MAPK8: variants seen among roughly 807,000 people sequenced by gnomAD.
MAPK8 encodes JUN N-terminal kinase.
A neutral mutation model predicts 52.9 loss-of-function variants in MAPK8; 13 were observed. The ratio of observed to expected loss-of-function variants is 0.25; its 90% CI spans 0.16 to 0.39. MAPK8 has a LOEUF of 0.39. MAPK8 is among the 10% of genes least tolerant of loss of function. The probability of loss-of-function intolerance (pLI) is 1.00; values close to 1 mark genes in which losing one functional copy is unlikely to be tolerated. For synonymous variants in MAPK8, 191 were observed against 169.8 expected, an observed-to-expected ratio of 1.12 and a Z score of -0.97; for missense variants, 300 against 519.2, an observed-to-expected ratio of 0.58 and a Z score of 4.10.
chr10:48,333,342 C>T (rs1371470673), intron 1 of MAPK8, among the ~76,000 whole-genome samples: 1 of 152,182 alleles, frequency 6.6e-6, no homozygotes, highest in Admixed American at 6.5e-5. Flanking sequence ...TAGGGCCCCA[C>T]CAAAGGTTAG....
At chr10:48,317,398 C>CAA (rs35788101) in intron 1 of MAPK8, among the ~76,000 whole-genome samples, 2 of 151,684 alleles carry the variant, frequency 1.3e-5, no homozygotes, top group African/African-American at 2.4e-5. Flanking sequence ...CTCCTGGCCT[C>CAA]GTGATCTTAC....
intron 1 of MAPK8, among the ~76,000 whole-genome samples, chr10:48,311,785 C>A (rs1375718491): frequency 1.3e-5 from 2 of 152,118 alleles, no homozygotes; most frequent in Non-Finnish European, 2.9e-5. Flanking sequence ...TTTTCTAAGT[C>A]TTCTGTTTAG....
intron 1 of MAPK8, among the ~76,000 whole-genome samples, chr10:48,311,442 T>C (rs1039833437): frequency 4.6e-5 from 7 of 152,218 alleles, no homozygotes; most frequent in African/African-American, 1.4e-4. Context: ...GAAGCAAATA[T>C]TGAAGGGAAC....
chr10:48,426,249 A>G, intron 8 of MAPK8, 131 bp from the exon 9 acceptor site: 2 of 863,248 alleles, frequency 2.3e-6, no homozygotes, highest in South Asian at 2.4e-5. Context: ...TATTTTAATC[A>G]TATGTATAAG....
In MAPK8 at chr10:48,324,503, GTTTTTT is replaced by G. The variant is rs370766776; in HGVS notation, c.-50+17694_-50+17699del. ...TATACAACAGTTGTCCTGTTTTCTA[GTTTTTT>G]TTTTTTTTTTTACACTCATGATATT... On this transcript the variant is annotated intron_variant, in intron 1 of 11. Coordinates refer to ENST00000374189, the MANE Select transcript of MAPK8 (RefSeq NM_001323329.2). Among the ~76,000 whole-genome samples the G allele has an allele frequency of 3.4e-5, 4 of 118,020 alleles. No homozygotes were observed. The Admixed American group carries it at 3.7e-4, about 11-fold the overall frequency. 77.4% of individuals were successfully genotyped at this position (118,020 alleles called of 152,430 possible).
At chr10:48,406,025 A>G (rs1241535946) in intron 3 of MAPK8, among the ~76,000 whole-genome samples, 3 of 152,206 alleles carry the variant, frequency 2.0e-5, no homozygotes, top group South Asian at 4.1e-4. Context: ...TCAAATGATG[A>G]TGGTGGCCCA....
intron 1 of MAPK8, among the ~76,000 whole-genome samples, chr10:48,325,047 G>A (rs1843377844): frequency 1.3e-5 from 2 of 151,690 alleles, no homozygotes; most frequent in Admixed American, 6.6e-5. Context: ...ACAATCTCTG[G>A]TCACTGCAAC....
chr10:48,328,676 A>G (rs921418686), intron 1 of MAPK8, among the ~76,000 whole-genome samples: 1 of 152,262 alleles, frequency 6.6e-6, no homozygotes, highest in East Asian at 1.9e-4. Flanking sequence ...GTAGTCAACA[A>G]GAGCAACTGA....
intron 5 of MAPK8, among the ~76,000 whole-genome samples, chr10:48,419,952 A>G (rs1426509957): frequency 6.6e-6 from 1 of 152,158 alleles, no homozygotes; most frequent in Non-Finnish European, 1.5e-5. Flanking sequence ...TTCTCTAATA[A>G]CTGTATGTAT....
At chr10:48,433,623 T>C (rs1462987334) in intron 11 of MAPK8, among the ~76,000 whole-genome samples, 2 of 152,252 alleles carry the variant, frequency 1.3e-5, no homozygotes, top group Non-Finnish European at 2.9e-5. Flanking sequence ...TTGTCTCTTG[T>C]GGTTCCATTC....
At chr10:48,426,171 A>T (rs2043669532) in intron 8 of MAPK8, 101 bp downstream of exon 8, 1 of 1,147,706 alleles carries the variant, frequency 8.7e-7, no homozygotes, top group Admixed American at 2.7e-5. Context: ...TGGGACATGA[A>T]CCCAAGGTTT....
intron 1 of MAPK8, among the ~76,000 whole-genome samples, chr10:48,348,019 T>C (rs1316977720): frequency 1.3e-5 from 2 of 152,216 alleles, no homozygotes; most frequent in Middle Eastern, 3.2e-3. Flanking sequence ...ACTAACAGTG[T>C]AAAAGTGTTC....
chr10:48,427,191 T>C, intron 10 of MAPK8, 48 bp downstream of exon 10: 1 of 1,379,710 alleles, frequency 7.2e-7, no homozygotes, highest in South Asian at 1.2e-5. Flanking sequence ...GAGCTTCTGG[T>C]TTTTATATGG....
chr10:48,374,846 C>A (rs2040553069), intron 1 of MAPK8, among the ~76,000 whole-genome samples: 1 of 152,132 alleles, frequency 6.6e-6, no homozygotes, highest in African/African-American at 2.4e-5. Context: ...TGAAACTACT[C>A]CAAACAATAG....
At chr10:48,375,313 T>C (rs2440860) in intron 1 of MAPK8, among the ~76,000 whole-genome samples, 123,156 of 152,148 alleles carry the variant, frequency 0.81, 50,037 homozygotes, top group Middle Eastern at 0.9. Flanking sequence ...GGAAGCATTC[T>C]GTTTGAAAAC....
At chr10:48,387,588 A>G (rs1279303402) in intron 1 of MAPK8, among the ~76,000 whole-genome samples, 1 of 152,164 alleles carries the variant, frequency 6.6e-6, no homozygotes, top group Non-Finnish European at 1.5e-5. Flanking sequence ...TTATACATGA[A>G]TTTAACTTTT....
chr10:48,396,893 A>G (rs1354347969), intron 1 of MAPK8, among the ~76,000 whole-genome samples: 3 of 152,004 alleles, frequency 2.0e-5, no homozygotes, highest in African/African-American at 7.3e-5. Context: ...TTTTACAACT[A>G]TTTTTTTCCC....
At chr10:48,308,765 A>C (rs923152697) in intron 1 of MAPK8, among the ~76,000 whole-genome samples, 1 of 152,202 alleles carries the variant, frequency 6.6e-6, no homozygotes, top group Admixed American at 6.5e-5. Context: ...AAATATTTCT[A>C]ATATTTTAGA....
intron 1 of MAPK8, among the ~76,000 whole-genome samples, chr10:48,370,647 A>T (rs936512655): frequency 6.6e-6 from 1 of 152,190 alleles, no homozygotes; most frequent in Non-Finnish European, 1.5e-5. Context: ...GGAATGGACC[A>T]ATAGCGTCTT....
Sources: gnomAD v4.1 joint callset for allele counts (sites outside exome capture counted in the v4.1 genomes callset) on GRCh38, gnomAD v4.1.1 for gene constraint, MANE v1.5 for transcripts, NCBI Gene and HGNC (gene_info 2026-07-23, HGNC 2026-07-21) for gene names.